Variants in SHANK2 observed in about 807,000 individuals in gnomAD.
The protein encoded by SHANK2 is SH3 and multiple ankyrin repeat domains protein 2.
SHANK2 carries 43 observed loss-of-function variants against 133.7 expected under a neutral mutation model. The ratio of observed to expected loss-of-function variants is 0.32; its 90% confidence interval spans 0.25 to 0.41. The LOEUF (loss-of-function observed/expected upper bound fraction) is 0.41, where lower values mean the gene tolerates loss of function less well. SHANK2 is among the 10% of genes least tolerant of loss of function. The probability of loss-of-function intolerance (pLI) is 1.00; values close to 1 mark genes in which losing one functional copy is unlikely to be tolerated. For synonymous variants in SHANK2, 1,017 were observed against 952.8 expected, an observed-to-expected ratio of 1.07 and a Z score of -1.24; for missense variants, 1,994 against 2,235.8, an observed-to-expected ratio of 0.89 and a Z score of 2.18.
chr11:71,067,482 C>T (rs1205403570), intron 9 of SHANK2, among the ~76,000 whole-genome samples: 1 of 152,128 alleles, frequency 6.6e-6, no homozygotes. Flanking sequence ...AGATTAGACA[C>T]AATTTGATAC....
chr11:70,844,440 AC>A (rs1948963947), intron 11 of SHANK2, among the ~76,000 whole-genome samples: 3 of 152,050 alleles, frequency 2.0e-5, no homozygotes. Context: ...ATCATCTAAA[AC>A]GCTGGGCACG....
intron 17 of SHANK2, among the ~76,000 whole-genome samples, chr11:70,658,147 C>T (rs1440850525): frequency 2.7e-5 from 4 of 150,344 alleles, no homozygotes; most frequent in African/African-American, 9.8e-5. Context: ...CACACGTGCA[C>T]ACACTCTTAC....
chr11:71,244,281 C>T (rs531234116), intron 1 of SHANK2, among the ~76,000 whole-genome samples: 40 of 152,356 alleles, frequency 2.6e-4, no homozygotes, highest in Non-Finnish European at 4.4e-4. Context: ...CCCCTGGGGT[C>T]GGAACCAGCT....
chr11:70,589,958 C>G (rs146105739), intron 17 of SHANK2, among the ~76,000 whole-genome samples: 3,938 of 151,996 alleles, frequency 0.026, 186 homozygotes, highest in African/African-American at 0.091. Context: ...TCAAGACCAT[C>G]CTGGCTAACA....
At chr11:71,192,024 A>T (rs7117131) in intron 2 of SHANK2, among the ~76,000 whole-genome samples, 1 of 151,228 alleles carries the variant, frequency 6.6e-6, no homozygotes, top group African/African-American at 2.4e-5. Context: ...CCATACCTGG[A>T]TAATTTTTGT....
At chr11:71,169,746 C>T (rs1170006243) in intron 2 of SHANK2, among the ~76,000 whole-genome samples, 1 of 134,272 alleles carries the variant, frequency 7.4e-6, no homozygotes, top group Admixed American at 7.7e-5. Context: ...AAGAATAAGA[C>T]TCCATCTCAA....
chr11:70,951,591 T>C (rs11238069), intron 10 of SHANK2, among the ~76,000 whole-genome samples: 22 of 44,196 alleles, frequency 5.0e-4, no homozygotes, highest in East Asian at 2.4e-3. Context: ...CTGGCTGCTG[T>C]GCTGTGACAT....
chr11:70,910,480 T>C (rs1555078765), intron 10 of SHANK2, among the ~76,000 whole-genome samples: 2 of 152,026 alleles, frequency 1.3e-5, no homozygotes, highest in East Asian at 3.9e-4. Context: ...ATCCCCATGA[T>C]TCGGTTATGA....
intron 9 of SHANK2, among the ~76,000 whole-genome samples, chr11:71,060,198 CACTT>C (rs1950971484): frequency 6.6e-6 from 1 of 152,192 alleles, no homozygotes; most frequent in African/African-American, 2.4e-5. Context: ...GTGCTACTGG[CACTT>C]ACTGGGTTAA....
In SHANK2 at chr11:70,492,610, C is replaced by T. The variant is rs986426254; in HGVS notation, c.2309-145G>A. 9.3e-6 allele frequency: 10 copies of T among 1,080,048 alleles called. No individual in the cohort carries two copies. In the African/African-American group the frequency reaches 1.5e-4, roughly 17 times the overall value. 66.9% of individuals were successfully genotyped at this position (1,080,048 alleles called of 1,614,324 possible). ...TGCTGCTGTGAGGAGCATGCGTGTG[C>T]CTCTGCCACATGCATTCCCACTGGG... On this transcript the variant is annotated intron_variant, in intron 21 of 25. Transcript: ENST00000601538.
intron 17 of SHANK2, among the ~76,000 whole-genome samples, chr11:70,544,938 C>T (rs576957539): frequency 7.2e-5 from 11 of 152,334 alleles, no homozygotes; most frequent in Admixed American, 6.5e-4. Flanking sequence ...CGTGGGGCTG[C>T]GGCCTCTGGG....
At chr11:70,661,201 A>T (rs1309476506) in intron 16 of SHANK2, among the ~76,000 whole-genome samples, 5 of 152,198 alleles carry the variant, frequency 3.3e-5, no homozygotes, top group African/African-American at 1.2e-4. Flanking sequence ...GGCCAGGGCA[A>T]TCCTGGGGAT....
intron 17 of SHANK2, among the ~76,000 whole-genome samples, chr11:70,557,301 G>A (rs1001425929): frequency 3.3e-5 from 5 of 152,162 alleles, no homozygotes; most frequent in African/African-American, 1.2e-4. Context: ...CAAAAAGCAA[G>A]CAAGCAAACA....
chr11:70,618,945 G>A (rs1220258453), intron 17 of SHANK2, among the ~76,000 whole-genome samples: 1 of 152,182 alleles, frequency 6.6e-6, no homozygotes, highest in African/African-American at 2.4e-5. Context: ...AGGCTGACCC[G>A]GCAGATGGCC....
At position 71,187,535 on chromosome 11, in the gene SHANK2, G is replaced by A. The variant is rs146141849; in HGVS notation, c.-13+37162C>T. On this transcript the variant is annotated intron_variant, in intron 2 of 25. Coordinates refer to ENST00000601538, the MANE Select transcript of SHANK2 (RefSeq NM_012309.5). Reference sequence around the variant, plus strand: ...CATGTTTTATTCAGGACAGTTCATGGGTTTCTCATGTTTTATTCAGCACAG... The same window carrying A: ...CATGTTTTATTCAGGACAGTTCATGAGTTTCTCATGTTTTATTCAGCACAG... Among the ~76,000 whole-genome samples the A allele has an allele frequency of 9.1e-3, 1,391 of 152,174 alleles. 20 individuals are homozygous for A. The highest frequency in any genetic ancestry group is 0.032 in the African/African-American group (1,345 of 41,494).
chr11:70,538,241 G>A (rs1259330110), intron 17 of SHANK2, among the ~76,000 whole-genome samples: 1 of 152,214 alleles, frequency 6.6e-6, no homozygotes, highest in Non-Finnish European at 1.5e-5. Flanking sequence ...AGCCCACACG[G>A]AGTCCCCGGG....
chr11:70,723,301 C>CTG (rs782378828), intron 14 of SHANK2, among the ~76,000 whole-genome samples: 16 of 147,088 alleles, frequency 1.1e-4, no homozygotes, highest in Non-Finnish European at 1.5e-4. Context: ...GAGGGTCTGT[C>CTG]TCTCTCTCTC....
intron 14 of SHANK2, among the ~76,000 whole-genome samples, chr11:70,787,644 C>A (rs1201020491): frequency 2.0e-5 from 3 of 151,854 alleles, no homozygotes; most frequent in African/African-American, 7.3e-5. Context: ...ACCATGACCG[C>A]CACCAACACC....
chr11:71,185,516 G>A (rs1166496660), intron 2 of SHANK2, among the ~76,000 whole-genome samples: 4 of 152,212 alleles, frequency 2.6e-5, no homozygotes, highest in African/African-American at 9.6e-5. Flanking sequence ...TCTTGGGCAT[G>A]AAGCTTCTTT....
Sources: gnomAD v4.1 joint callset for allele counts (sites outside exome capture counted in the v4.1 genomes callset) on GRCh38, gnomAD v4.1.1 for gene constraint, MANE v1.5 for transcripts, NCBI Gene and HGNC (gene_info 2026-07-23, HGNC 2026-07-21) for gene names.